The following CTIF variants were observed in gnomAD, a reference collection of about 807,000 sequenced individuals.
CTIF encodes the protein CBP80/20-dependent translation initiation factor.
Under a neutral mutation model 66.0 loss-of-function variants are expected in CTIF, and 21 were observed. That is an observed-to-expected ratio of 0.32 (90% CI 0.23 to 0.46). The LOEUF (loss-of-function observed/expected upper bound fraction) is 0.46. CTIF is among the 20% of genes least tolerant of loss of function. CTIF has a pLI of 1.00. For synonymous variants in CTIF, 345 were observed against 326.4 expected, an observed-to-expected ratio of 1.06 and a Z score of -0.62; for missense variants, 739 against 812.7, an observed-to-expected ratio of 0.91 and a Z score of 1.10.
chr18:48,734,867 T>C lies in CTIF; in HGVS notation c.585-23052T>C, dbSNP rs183009459. Among the ~76,000 whole-genome samples the C allele has an allele frequency of 1.3e-4, 20 of 152,302 alleles. No homozygotes were observed. In the East Asian group the frequency reaches 3.9e-3, roughly 29 times the overall value. ...GGCATTAGAGGAGCATCCCGTCTAGTTGGAGTGAGGTGATTAAGATATACT... is the reference window on the plus strand; with the variant it reads ...GGCATTAGAGGAGCATCCCGTCTAGCTGGAGTGAGGTGATTAAGATATACT... On this transcript the variant is annotated intron_variant, in intron 7 of 11. Coordinates refer to ENST00000256413, the MANE Select transcript of CTIF (RefSeq NM_014772.3).
At chr18:48,797,495 G>A (rs62103272) in intron 9 of CTIF, among the ~76,000 whole-genome samples, 1 of 148,046 alleles carries the variant, frequency 6.8e-6, no homozygotes, top group African/African-American at 2.5e-5. Context: ...AAAGAAAAGG[G>A]GTGGGGGGGC....
intron 9 of CTIF, among the ~76,000 whole-genome samples, chr18:48,764,842 C>T (rs761719472): frequency 1.3e-5 from 2 of 152,228 alleles, no homozygotes; most frequent in African/African-American, 2.4e-5. Flanking sequence ...GCTTGATCTG[C>T]GTTCTCAGAC....
chr18:48,576,623 G>A (rs1209850759), intron 1 of CTIF, among the ~76,000 whole-genome samples: 4 of 152,166 alleles, frequency 2.6e-5, no homozygotes, highest in African/African-American at 7.2e-5. Flanking sequence ...GGGCGTAACC[G>A]TTTAATTGCT....
intron 5 of CTIF, among the ~76,000 whole-genome samples, chr18:48,668,187 G>A (rs2091466692): frequency 6.6e-6 from 1 of 152,250 alleles, no homozygotes; most frequent in African/African-American, 2.4e-5. Context: ...GGGCGCTGAG[G>A]CGAGAACAGA....
chr18:48,703,159 A>C (rs949244689), intron 6 of CTIF, among the ~76,000 whole-genome samples: 1 of 152,216 alleles, frequency 6.6e-6, no homozygotes, highest in Non-Finnish European at 1.5e-5. Context: ...CATGGGGCTC[A>C]TGCTCTCTGG....
intron 6 of CTIF, among the ~76,000 whole-genome samples, chr18:48,696,698 C>T (rs547234852): frequency 5.9e-5 from 9 of 152,248 alleles, no homozygotes; most frequent in East Asian, 3.9e-4. Flanking sequence ...ATTCCTACAA[C>T]GAAAGGTAGG....
chr18:48,663,962 G>A, intron 4 of CTIF, 137 bp downstream of exon 4: 2 of 820,758 alleles, frequency 2.4e-6, no homozygotes, highest in South Asian at 1.5e-5. Flanking sequence ...GAAGGATGGG[G>A]TGGAAAGAAG....
At chr18:48,852,698 G>A (rs549653102) in intron 10 of CTIF, among the ~76,000 whole-genome samples, 17 of 151,874 alleles carry the variant, frequency 1.1e-4, no homozygotes, top group Non-Finnish European at 2.2e-4. Context: ...GTTGGGAGAG[G>A]TCCAGGTTAC....
chr18:48,584,718 C>G (rs549532199), intron 1 of CTIF, among the ~76,000 whole-genome samples: 1 of 152,332 alleles, frequency 6.6e-6, no homozygotes, highest in Non-Finnish European at 1.5e-5. Context: ...GAACCCAGTC[C>G]TCTCCAAGCT....
chr18:48,622,116 G>A (rs146995703), intron 2 of CTIF, among the ~76,000 whole-genome samples: 274 of 152,324 alleles, frequency 1.8e-3, no homozygotes, highest in Non-Finnish European at 2.9e-3. Context: ...GGGTGAGGGA[G>A]GCACAGGAGT....
At chr18:48,792,405 G>T (rs1042057129) in intron 9 of CTIF, among the ~76,000 whole-genome samples, 4 of 152,168 alleles carry the variant, frequency 2.6e-5, no homozygotes, top group African/African-American at 7.2e-5. Context: ...TGCATCAGAG[G>T]GTTTCCAGCA....
At chr18:48,644,376 GAC>G (rs1261740345) in intron 3 of CTIF, among the ~76,000 whole-genome samples, 6 of 152,306 alleles carry the variant, frequency 3.9e-5, no homozygotes, top group Admixed American at 6.5e-5. Context: ...TCTGGGACAT[GAC>G]ACAGTGGTCC....
intron 6 of CTIF, among the ~76,000 whole-genome samples, chr18:48,678,811 G>A (rs1263714643): frequency 6.6e-6 from 1 of 152,134 alleles, no homozygotes; most frequent in East Asian, 1.9e-4. Context: ...AGGGGCCTGG[G>A]CAAGTCTGCC....
chr18:48,693,687 G>T (rs555606614), intron 6 of CTIF, among the ~76,000 whole-genome samples: 2 of 152,150 alleles, frequency 1.3e-5, no homozygotes, highest in South Asian at 2.1e-4. Flanking sequence ...TGCCAAATGC[G>T]CCAGGTCTCC....
chr18:48,724,245 G>A (rs925471711), intron 7 of CTIF, among the ~76,000 whole-genome samples: 7 of 152,170 alleles, frequency 4.6e-5, no homozygotes, highest in Admixed American at 1.3e-4. Context: ...AACAACTTGT[G>A]GGATGGCATT....
intron 9 of CTIF, among the ~76,000 whole-genome samples, chr18:48,774,020 T>G (rs1366266541): frequency 6.6e-6 from 1 of 152,066 alleles, no homozygotes; most frequent in South Asian, 2.1e-4. Flanking sequence ...GCAGGCCCCC[T>G]TACGGAGACA....
At chr18:48,764,898 G>A (rs550241003) in intron 9 of CTIF, among the ~76,000 whole-genome samples, 9 of 152,320 alleles carry the variant, frequency 5.9e-5, no homozygotes, top group Admixed American at 1.3e-4. Flanking sequence ...ATGGGAAGGC[G>A]GGTGGACTGT....
intron 7 of CTIF, among the ~76,000 whole-genome samples, chr18:48,728,941 C>T (rs1036543819): frequency 5.3e-5 from 8 of 152,182 alleles, no homozygotes; most frequent in Non-Finnish European, 8.8e-5. Context: ...TTTTGAGTTC[C>T]TTCCTGTACC....
At chr18:48,841,105 G>C (rs1439823912) in intron 10 of CTIF, among the ~76,000 whole-genome samples, 1 of 152,176 alleles carries the variant, frequency 6.6e-6, no homozygotes, top group Non-Finnish European at 1.5e-5. Flanking sequence ...CTCATGCTCT[G>C]TAAAGTCTGA....
Sources: gnomAD v4.1 joint callset for allele counts (sites outside exome capture counted in the v4.1 genomes callset) on GRCh38, gnomAD v4.1.1 for gene constraint, MANE v1.5 for transcripts, NCBI Gene and HGNC (gene_info 2026-07-23, HGNC 2026-07-21) for gene names.